CBR4: variants seen among roughly 807,000 people sequenced by gnomAD.
CBR4 encodes 3-oxoacyl-[acyl-carrier-protein] reductase.
CBR4 carries 22 observed loss-of-function variants against 21.0 expected under a neutral mutation model. That is an observed-to-expected ratio of 1.05 (90% confidence interval 0.75 to 1.50). CBR4 has a LOEUF of 1.50. CBR4 is among the 40% of genes most tolerant of loss of function. The pLI is 0.00. For missense variants in CBR4, 302 were observed against 286.3 expected, an observed-to-expected ratio of 1.05 and a Z score of -0.40; for synonymous variants, 100 against 104.4, an observed-to-expected ratio of 0.96 and a Z score of 0.26.
At position 168,988,175 on chromosome 4, in the gene CBR4, A is replaced by C. The variant is rs1764756454; in HGVS notation, c.*1975T>G. The C allele has an allele frequency of 1.0e-6, 1 of 985,274 alleles. No homozygotes were observed. Among genetic ancestry groups the C allele is most frequent in the Non-Finnish European group, 1.2e-6 (1 of 829,888 alleles). 61.0% of individuals were successfully genotyped at this position (985,274 alleles called of 1,614,324 possible). On this transcript the variant is annotated 3_prime_UTR_variant, in exon 5 of 5. Coordinates refer to ENST00000306193, the MANE Select transcript of CBR4 (RefSeq NM_032783.5). ...ATTAAATTACAAATTCTACTAGGTC[A>C]GTGGGAGTGGGCGGATTCACCTGGA...
At chr4:168,960,910 A>C (rs370278194) in intron 2 of CBR4, among the ~76,000 whole-genome samples, 24 of 152,304 alleles carry the variant, frequency 1.6e-4, no homozygotes, top group African/African-American at 5.5e-4. Context: ...TATAAGCACA[A>C]GCTGTTTCCG....
chr4:168,958,698 T>C (rs901927606), intron 2 of CBR4, among the ~76,000 whole-genome samples: 12 of 152,232 alleles, frequency 7.9e-5, no homozygotes, highest in African/African-American at 2.9e-4. Flanking sequence ...AGTTGCTCCA[T>C]ATCCCCAATT....
At position 168,896,726 on chromosome 4, in the gene CBR4, T is replaced by G. The variant is rs1755264029; in HGVS notation, n.170-1961A>C. Reference sequence around the variant, plus strand: ...AATTATAAATGCTATGACCAGTGTCTGTTTCATTTAATATCAGATACACAA... The same window carrying G: ...AATTATAAATGCTATGACCAGTGTCGGTTTCATTTAATATCAGATACACAA... On this transcript the variant is annotated intron_variant and non_coding_transcript_variant, in intron 2 of 3. Coordinates refer to the CBR4 transcript ENST00000509108. 4 of 629,250 alleles carry G rather than the reference T, an allele frequency of 6.4e-6. No homozygotes were observed. The Admixed American group carries it at 1.4e-4, about 21-fold the overall frequency. 39.0% of individuals were successfully genotyped at this position (629,250 alleles called of 1,614,324 possible).
At position 168,989,052 on chromosome 4, in the gene CBR4, A is replaced by G. The variant is rs1475565516; in HGVS notation, c.*1098T>C. ...TGTCTTTATCTCTACTCCCAGGCAA[A>G]TATTCTCACTTAAGACCAGTGCCTT... On this transcript the variant is annotated 3_prime_UTR_variant, in exon 5 of 5. Coordinates refer to ENST00000306193, the MANE Select transcript of CBR4 (RefSeq NM_032783.5). The G allele has an allele frequency of 5.1e-6, 5 of 984,968 alleles. No individual in the cohort carries two copies. The East Asian group carries it at 4.5e-4, about 89-fold the overall frequency. The allele number at this position is 984,968 out of a possible 1,614,324, so 61.0% of individuals were successfully genotyped here. A position where few individuals can be genotyped will look rare whatever the true frequency, so the allele number is the denominator to read the frequency against.
chr4:168,920,614 CAT>C (rs1440581923), intron 2 of CBR4, among the ~76,000 whole-genome samples: 29 of 152,248 alleles, frequency 1.9e-4, no homozygotes, highest in African/African-American at 6.7e-4. Flanking sequence ...TGCGGCACAA[CAT>C]GTTATTAGCA....
chr4:168,963,234 T>C (rs1457897232), intron 2 of CBR4, among the ~76,000 whole-genome samples: 1 of 152,214 alleles, frequency 6.6e-6, no homozygotes, highest in Non-Finnish European at 1.5e-5. Context: ...AGTTTTATCC[T>C]GATGTTATCA....
chr4:168,894,684 T>C, exon 3 of CBR4: 2 of 1,612,584 alleles, frequency 1.2e-6, no homozygotes, highest in Non-Finnish European at 1.7e-6. Context: ...TCAGGTACCA[T>C]GTTGCTCTGG....
chr4:169,005,866 A>C (rs892191430), intron 3 of CBR4: 14 of 1,286,830 alleles, frequency 1.1e-5, no homozygotes, highest in Non-Finnish European at 1.2e-5. Context: ...CCTACATTTA[A>C]AAGAACAGGG....
chr4:168,987,890 A>G lies in CBR4; in HGVS notation c.*2260T>C. 1 of 981,836 alleles carries G rather than the reference A, an allele frequency of 1.0e-6. No homozygotes were observed. The highest frequency in any genetic ancestry group is 1.2e-6 in the Non-Finnish European group (1 of 826,692). 60.8% of individuals were successfully genotyped at this position (981,836 alleles called of 1,614,324 possible). ...ATTGAATATGAATAAAATATGAAAAAGAGCACAAATTTTAAAGCCCTCCAT... is the reference window on the plus strand; with the variant it reads ...ATTGAATATGAATAAAATATGAAAAGGAGCACAAATTTTAAAGCCCTCCAT... On this transcript the variant is annotated 3_prime_UTR_variant, in exon 5 of 5. Coordinates refer to ENST00000306193, the MANE Select transcript of CBR4 (RefSeq NM_032783.5).
intron 2 of CBR4, chr4:168,925,085 G>T (rs779641014): frequency 1.2e-6 from 2 of 1,613,828 alleles, no homozygotes; most frequent in Admixed American, 1.7e-5. Flanking sequence ...TACAGTGAGT[G>T]CCACTTCATC....
Position 168,894,693 on chromosome 4 carries a change from G to A in CBR4, n.242C>T, listed in dbSNP as rs1229622917. On this transcript the variant is annotated non_coding_transcript_exon_variant, in exon 3 of 4. Coordinates refer to the CBR4 transcript ENST00000509108. ...AGCTAATCAGGTACCATGTTGCTCT[G>A]GACTTCTTAGGGTAACATTTATTCT... 6.2e-7 allele frequency: 1 copy of A among 1,610,298 alleles called. No homozygotes were observed. Among genetic ancestry groups the A allele is most frequent in the East Asian group, 2.2e-5 (1 of 44,648 alleles).
chr4:168,927,240 G>T, intron 2 of CBR4: 1 of 231,098 alleles, frequency 4.3e-6, no homozygotes. Flanking sequence ...AATGCAACCA[G>T]CATGATTATA....
chr4:168,900,319 A>G (rs1362682078), intron 2 of CBR4, among the ~76,000 whole-genome samples: 1 of 152,210 alleles, frequency 6.6e-6, no homozygotes, highest in Non-Finnish European at 1.5e-5. Flanking sequence ...AAGAAACAGA[A>G]AAACAGAAGG....
chr4:168,913,878 G>A (rs762834281), intron 2 of CBR4: 62 of 1,214,240 alleles, frequency 5.1e-5, no homozygotes, highest in Non-Finnish European at 7.5e-5. Context: ...AGTGCTTAGT[G>A]GTTAATAGTT....
rs200399043 is a variant in CBR4, at chr4:168,924,395, C to G, written n.170-29630G>C. ...ATTTTGGAAGAAAGAAAATGAATCA[C>G]TCACTCACAGCACTGACCGAGTGAG... On this transcript the variant is annotated intron_variant and non_coding_transcript_variant, in intron 2 of 3. Coordinates refer to the CBR4 transcript ENST00000509108. The G allele has an allele frequency of 6.2e-7, 1 of 1,613,916 alleles. No homozygotes were observed. Among genetic ancestry groups the G allele is most frequent in the East Asian group, 2.2e-5 (1 of 44,862 alleles).
chr4:168,985,059 T>C (rs1022128407), downstream of CBR4, among the ~76,000 whole-genome samples: 17 of 151,674 alleles, frequency 1.1e-4, no homozygotes, highest in Admixed American at 2.6e-4. Flanking sequence ...AAGTGGAACA[T>C]AATTAAAGAG....
At chr4:168,996,792 T>A (rs1765225469) in intron 4 of CBR4, among the ~76,000 whole-genome samples, 1 of 152,208 alleles carries the variant, frequency 6.6e-6, no homozygotes, top group African/African-American at 2.4e-5. Flanking sequence ...AAAGCTAGTC[T>A]CTAATGATAA....
At chr4:168,985,570 C>T (rs112412134), downstream of CBR4, among the ~76,000 whole-genome samples, 146 of 152,218 alleles carry the variant, frequency 9.6e-4, 1 homozygote, top group African/African-American at 3.4e-3. Flanking sequence ...ATTATTCTAC[C>T]ATGAAGACTC....
rs76693011 is a variant in CBR4, at chr4:169,006,410, A to C, written c.400+345T>G. On this transcript the variant is annotated intron_variant, in intron 3 of 4. Transcript: ENST00000306193. ...TTGAAAAATCAAAATTGCTGGCAAAACTGGGACCACATTCTTGCACGGCAA... is the reference window on the plus strand; with the variant it reads ...TTGAAAAATCAAAATTGCTGGCAAACCTGGGACCACATTCTTGCACGGCAA... 8.4e-3 allele frequency among the ~76,000 whole-genome samples: 1,278 copies of C among 152,310 alleles called. 12 individuals are homozygous for C. The highest frequency in any genetic ancestry group is 0.029 in the African/African-American group (1,209 of 41,560).
Sources: gnomAD v4.1 joint callset for allele counts (sites outside exome capture counted in the v4.1 genomes callset) on GRCh38, gnomAD v4.1.1 for gene constraint, MANE v1.5 for transcripts, NCBI Gene and HGNC (gene_info 2026-07-23, HGNC 2026-07-21) for gene names.